The following MAPRE3 variants were observed in gnomAD, a reference collection of about 807,000 sequenced individuals.
MAPRE3 encodes the protein microtubule-associated protein RP/EB family member 3.
MAPRE3 carries 2 observed loss-of-function variants against 30.5 expected under a neutral mutation model. The observed-to-expected ratio is 0.07, with a 90% CI of 0.03 to 0.21. The LOEUF is 0.21. MAPRE3 is among the 10% of genes least tolerant of loss of function. The pLI, the probability that MAPRE3 is intolerant of heterozygous loss-of-function variation, is 1.00. For missense variants in MAPRE3, 204 were observed against 351.8 expected (o/e 0.58, Z 3.36); for synonymous variants, 110 against 127.7 (o/e 0.86, Z 0.93).
intron 1 of MAPRE3, among the ~76,000 whole-genome samples, chr2:26,982,399 A>G (rs866698548): frequency 1.3e-5 from 2 of 152,246 alleles, no homozygotes; most frequent in Non-Finnish European, 2.9e-5. Flanking sequence ...CGGAAAAGCT[A>G]GGGCTGCTTT....
chr2:26,995,156 C>G (rs894055138), intron 1 of MAPRE3, among the ~76,000 whole-genome samples: 3 of 152,186 alleles, frequency 2.0e-5, no homozygotes, highest in African/African-American at 4.8e-5. Flanking sequence ...AAAGTGAAAG[C>G]AGCTATAGAC....
intron 1 of MAPRE3, among the ~76,000 whole-genome samples, chr2:26,998,729 C>T (rs566414846): frequency 5.3e-4 from 81 of 152,308 alleles, no homozygotes; most frequent in Non-Finnish European, 8.4e-4. Context: ...CTAGGCTAAC[C>T]CAGCCCAGAG....
intron 1 of MAPRE3, among the ~76,000 whole-genome samples, chr2:26,976,497 G>A (rs1263889758): frequency 6.6e-6 from 1 of 152,154 alleles, no homozygotes; most frequent in Non-Finnish European, 1.5e-5. Flanking sequence ...GGCCACGGAT[G>A]GTTTTTCTTG....
intron 6 of MAPRE3, 23 bp downstream of exon 6, chr2:27,026,055 G>A (rs769652915): frequency 3.7e-6 from 6 of 1,613,502 alleles, no homozygotes; most frequent in Non-Finnish European, 2.5e-6. Context: ...AGGCCCATTG[G>A]GCCCTCCCCA....
At chr2:27,016,989 G>A (rs912162957) in intron 1 of MAPRE3, among the ~76,000 whole-genome samples, 1 of 152,096 alleles carries the variant, frequency 6.6e-6, no homozygotes, top group African/African-American at 2.4e-5. Flanking sequence ...TGGAAAGGGG[G>A]TTTGGGGGAT....
chr2:26,989,314 C>T (rs919555327), intron 1 of MAPRE3, among the ~76,000 whole-genome samples: 3 of 152,162 alleles, frequency 2.0e-5, no homozygotes, highest in African/African-American at 4.8e-5. Flanking sequence ...AGAAATGACT[C>T]GTCTCTGCAT....
chr2:26,990,322 G>A (rs749950435), intron 1 of MAPRE3, among the ~76,000 whole-genome samples: 8 of 152,120 alleles, frequency 5.3e-5, no homozygotes, highest in Non-Finnish European at 1.2e-4. Context: ...TCCCTGAGCC[G>A]CTTTCCACTC....
chr2:26,971,879 G>A (rs1042681728), intron 1 of MAPRE3, among the ~76,000 whole-genome samples: 3 of 152,148 alleles, frequency 2.0e-5, no homozygotes, highest in Non-Finnish European at 4.4e-5. Context: ...CTCCAGCTGT[G>A]TGTCTTTGTG....
Position 26,982,259 on chromosome 2 carries a change from T to G in MAPRE3, c.-8+11457T>G, listed in dbSNP as rs574157534. Among the ~76,000 whole-genome samples, 96 of 152,310 alleles carry G rather than the reference T, an allele frequency of 6.3e-4. 1 individual carries two copies. The South Asian group carries it at 0.018, about 29-fold the overall frequency. ...TTTATTCCACCTGCTGGATTCACAT[T>G]ACTTTCATGCTGCACAACTGAAGCC... On this transcript the variant is annotated intron_variant, in intron 1 of 6. Coordinates refer to ENST00000233121, the MANE Select transcript of MAPRE3 (RefSeq NM_012326.4).
intron 1 of MAPRE3, chr2:26,984,641 T>A (rs1666182820): frequency 6.6e-6 from 1 of 152,270 alleles, no homozygotes; most frequent in Admixed American, 6.5e-5. Flanking sequence ...CAAGACTTTC[T>A]TCTAGCTCCC....
intron 1 of MAPRE3, among the ~76,000 whole-genome samples, chr2:27,005,975 G>A (rs2148216182): frequency 6.6e-6 from 1 of 152,298 alleles, no homozygotes; most frequent in South Asian, 2.1e-4. Context: ...GAGGTCAGGA[G>A]ATCGAGATCA....
rs2148216856 is a variant in MAPRE3 at position 27,006,949 on chromosome 2, A to G, written c.-7-15263A>G. Among the ~76,000 whole-genome samples, 3 of 152,304 alleles carry G rather than the reference A, an allele frequency of 2.0e-5. 1 individual carries two copies. The highest frequency in any genetic ancestry group is 2.0e-4 in the Admixed American group (3 of 15,296). On this transcript the variant is annotated intron_variant, in intron 1 of 6. Coordinates refer to ENST00000233121, the MANE Select transcript of MAPRE3 (RefSeq NM_012326.4). ...ATACATGGGAAGAAACCAATGGTGT[A>G]AGGTTTGTTTACAGATTCCTCTGGT...
chr2:27,013,609 T>C (rs983933591), intron 1 of MAPRE3: 3 of 152,234 alleles, frequency 2.0e-5, no homozygotes, highest in Admixed American at 1.3e-4. Flanking sequence ...TGAGAAGCTA[T>C]TGTGCACTGA....
intron 1 of MAPRE3, among the ~76,000 whole-genome samples, chr2:27,001,776 T>C (rs747076253): frequency 3.3e-5 from 5 of 152,236 alleles, no homozygotes; most frequent in African/African-American, 1.2e-4. Context: ...ATGGAACCAC[T>C]GTCGTACATG....
intron 1 of MAPRE3, among the ~76,000 whole-genome samples, chr2:27,000,751 C>A (rs1230018197): frequency 6.6e-6 from 1 of 152,174 alleles, no homozygotes; most frequent in Non-Finnish European, 1.5e-5. Flanking sequence ...GAAGGTGGAC[C>A]TCAGTGGCCC....
chr2:27,016,584 C>T (rs1451745301), intron 1 of MAPRE3, among the ~76,000 whole-genome samples: 2 of 151,978 alleles, frequency 1.3e-5, no homozygotes, highest in Admixed American at 6.6e-5. Flanking sequence ...CGGGGTTTCA[C>T]CGTGTTAGCC....
At chr2:27,023,296 C>A (rs953971357) in intron 2 of MAPRE3, 36 bp from the exon 3 acceptor site, 2 of 1,575,946 alleles carry the variant, frequency 1.3e-6, no homozygotes, top group Admixed American at 1.7e-5. Context: ...AGAAGGAGAG[C>A]AGCAAGACCC....
At chr2:26,997,687 G>GA (rs1666495675) in intron 1 of MAPRE3, among the ~76,000 whole-genome samples, 1 of 152,148 alleles carries the variant, frequency 6.6e-6, no homozygotes, top group Non-Finnish European at 1.5e-5. Context: ...TGGTAGAAAG[G>GA]ATAGTTTGGT....
intron 1 of MAPRE3, among the ~76,000 whole-genome samples, chr2:26,995,873 G>C (rs1666448568): frequency 7.0e-6 from 1 of 143,548 alleles, no homozygotes; most frequent in Non-Finnish European, 1.5e-5. Flanking sequence ...GATACTAATG[G>C]GCCTTTTCTG....
Sources: gnomAD v4.1 joint callset for allele counts (sites outside exome capture counted in the v4.1 genomes callset) on GRCh38, gnomAD v4.1.1 for gene constraint, MANE v1.5 for transcripts, NCBI Gene and HGNC (gene_info 2026-07-23, HGNC 2026-07-21) for gene names.